GRIK3: variants seen among roughly 807,000 people sequenced by gnomAD.
GRIK3 encodes glutamate receptor ionotropic, kainate 3.
Under a neutral mutation model 102.5 loss-of-function variants are expected in GRIK3, and 29 were observed. That is an observed-to-expected ratio of 0.28 (90% CI 0.21 to 0.39). GRIK3 has a LOEUF of 0.39. Ranked by LOEUF, GRIK3 falls within the 10% of genes least tolerant of loss-of-function variation. The pLI is 1.00. For synonymous variants in GRIK3, 511 were observed against 504.9 expected (o/e 1.01, Z -0.16); for missense variants, 908 against 1,252.4 (o/e 0.73, Z 4.15).
chr1:37,001,535 A>G (rs1428290800), intron 1 of GRIK3, among the ~76,000 whole-genome samples: 1 of 152,084 alleles, frequency 6.6e-6, no homozygotes, highest in African/African-American at 2.4e-5. Flanking sequence ...GAAATCTTCC[A>G]GGCTAGAATC....
chr1:36,843,893 G>A lies in GRIK3; in HGVS notation c.1327-1954C>T, dbSNP rs189847977. On this transcript the variant is annotated intron_variant, in intron 9 of 15. Transcript: ENST00000373091. ...TCTGCATGCCCAGATTAAGGCACATGCTTAACTATGGAGGTGCCTCATCCT... is the reference window on the plus strand; with the variant it reads ...TCTGCATGCCCAGATTAAGGCACATACTTAACTATGGAGGTGCCTCATCCT... Among the ~76,000 whole-genome samples, 5 of 152,370 alleles carry A rather than the reference G, an allele frequency of 3.3e-5. No individual in the cohort carries two copies. In the East Asian group the frequency reaches 9.6e-4, roughly 29 times the overall value.
chr1:36,879,380 G>C (rs1640941782), intron 3 of GRIK3, among the ~76,000 whole-genome samples: 1 of 152,144 alleles, frequency 6.6e-6, no homozygotes, highest in African/African-American at 2.4e-5. Flanking sequence ...TATAGTTCCA[G>C]CTATTTGGGA....
intron 1 of GRIK3, among the ~76,000 whole-genome samples, chr1:36,892,228 A>T (rs1468751195): frequency 6.6e-6 from 1 of 152,180 alleles, no homozygotes; most frequent in East Asian, 1.9e-4. Flanking sequence ...CATGTTGGCC[A>T]GGCTGGTCTG....
chr1:36,875,042 CA>C (rs770640141), intron 3 of GRIK3, among the ~76,000 whole-genome samples: 2 of 152,210 alleles, frequency 1.3e-5, no homozygotes, highest in Non-Finnish European at 1.5e-5. Context: ...TTTTCACTCA[CA>C]AAGCGCTTCT....
chr1:36,999,923 G>C (rs1475583211), intron 1 of GRIK3, among the ~76,000 whole-genome samples: 3 of 151,328 alleles, frequency 2.0e-5, no homozygotes, highest in Non-Finnish European at 4.4e-5. Context: ...CTTGAACCTG[G>C]GAGGCAGAGG....
At chr1:36,828,225 G>C (rs1215573675) in intron 10 of GRIK3, among the ~76,000 whole-genome samples, 1 of 152,120 alleles carries the variant, frequency 6.6e-6, no homozygotes, top group Non-Finnish European at 1.5e-5. Flanking sequence ...ACCCTGAAAG[G>C]TTCCTTTCAG....
chr1:36,835,895 C>G (rs891516754), intron 10 of GRIK3, among the ~76,000 whole-genome samples: 1 of 152,092 alleles, frequency 6.6e-6, no homozygotes, highest in African/African-American at 2.4e-5. Flanking sequence ...TCGATGGGGC[C>G]CCAAGTCCCT....
intron 1 of GRIK3, among the ~76,000 whole-genome samples, chr1:36,965,944 A>T (rs1315823104): frequency 6.6e-6 from 1 of 152,200 alleles, no homozygotes; most frequent in Non-Finnish European, 1.5e-5. Flanking sequence ...CTGGATGGTG[A>T]CTTGGGGCGG....
intron 1 of GRIK3, among the ~76,000 whole-genome samples, chr1:36,945,730 G>C (rs1641776167): frequency 6.6e-6 from 1 of 152,210 alleles, no homozygotes. Context: ...TCCCTGAGAG[G>C]ATAGAATTGC....
chr1:36,956,888 G>A (rs1641918135), intron 1 of GRIK3, among the ~76,000 whole-genome samples: 2 of 152,374 alleles, frequency 1.3e-5, no homozygotes, highest in South Asian at 2.1e-4. Context: ...CTGTTTTACA[G>A]AGAGCAGTCA....
At chr1:36,820,745 C>G (rs530469075) in intron 11 of GRIK3, among the ~76,000 whole-genome samples, 1 of 152,228 alleles carries the variant, frequency 6.6e-6, no homozygotes, top group South Asian at 2.1e-4. Context: ...CATCCTATCC[C>G]CCGGAGAGAA....
chr1:36,980,036 C>T (rs183511602), intron 1 of GRIK3, among the ~76,000 whole-genome samples: 10 of 152,168 alleles, frequency 6.6e-5, no homozygotes, highest in South Asian at 2.1e-4. Context: ...CACATATTCC[C>T]GAGTGTCTGG....
chr1:37,018,154 C>T (rs1570868847), intron 1 of GRIK3, among the ~76,000 whole-genome samples: 2 of 152,306 alleles, frequency 1.3e-5, no homozygotes, highest in South Asian at 4.1e-4. Flanking sequence ...CCTGTCTCCT[C>T]GCTTGGCTGC....
chr1:37,017,369 T>TAAAAAAAAAAAAA (rs774819790), intron 1 of GRIK3, among the ~76,000 whole-genome samples: 2 of 48,524 alleles, frequency 4.1e-5, no homozygotes, highest in African/African-American at 1.0e-4. Context: ...CCCTGTCTCT[T>TAAAAAAAAAAAAA]AAAAAAAAAA....
chr1:36,930,642 G>A (rs987175333), intron 1 of GRIK3, among the ~76,000 whole-genome samples: 3 of 152,194 alleles, frequency 2.0e-5, no homozygotes, highest in Non-Finnish European at 4.4e-5. Context: ...GCCTTGAACT[G>A]TCCACAGGCC....
intron 3 of GRIK3, among the ~76,000 whole-genome samples, chr1:36,873,381 TA>T (rs1385429001): frequency 6.6e-6 from 1 of 152,226 alleles, no homozygotes; most frequent in East Asian, 1.9e-4. Context: ...ACAAATGGCT[TA>T]CTTAGGTCTA....
In GRIK3 at chr1:36,872,374, G is replaced by T. The variant is rs768042690; in HGVS notation, c.551-5C>A. The T allele has an allele frequency of 1.9e-6, 3 of 1,581,126 alleles. No individual in the cohort carries two copies. Among genetic ancestry groups the T allele is most frequent in the Non-Finnish European group, 2.6e-6 (3 of 1,160,322 alleles). ...GCTCCTGCAGTCGGATGAGCCCTGA[G>T]GGGCCATGGAGCACAAAAGACACAC... On this transcript the variant is annotated splice_region_variant and splice_polypyrimidine_tract_variant and intron_variant, in intron 3 of 15. Coordinates refer to ENST00000373091, the MANE Select transcript of GRIK3 (RefSeq NM_000831.4). This position sits in a 1 kb window ranked among gnomAD's most constrained non-coding sequence, Gnocchi z 5.9.
intron 2 of GRIK3, among the ~76,000 whole-genome samples, chr1:36,882,482 A>G (rs1196603122): frequency 6.6e-6 from 1 of 152,198 alleles, no homozygotes; most frequent in Admixed American, 6.5e-5. Flanking sequence ...AGAGCTCCCC[A>G]GAAGCCATTC....
chr1:36,986,358 T>C (rs1642304145), intron 1 of GRIK3, among the ~76,000 whole-genome samples: 2 of 151,708 alleles, frequency 1.3e-5, no homozygotes, highest in Non-Finnish European at 2.9e-5. Flanking sequence ...CATCCATCCA[T>C]CCATCCGTCA....
Sources: allele counts gnomAD v4.1 joint callset (sites outside exome capture counted in the v4.1 genomes callset), GRCh38; gene constraint gnomAD v4.1.1; non-coding constraint Gnocchi (gnomAD v3.1); transcripts MANE v1.5; gene names NCBI Gene and HGNC (gene_info 2026-07-23, HGNC 2026-07-21).